CYP17A1: variants seen among roughly 807,000 people sequenced by gnomAD.
CYP17A1 encodes cytochrome P450 family 17 subfamily A member 1.
CYP17A1 carries 27 observed loss-of-function variants against 38.5 expected under a neutral mutation model. The ratio of observed to expected loss-of-function variants is 0.70; its 90% CI spans 0.52 to 0.97. CYP17A1 has a LOEUF of 0.97. Among genes scored for constraint, CYP17A1 ranks in the 50% least tolerant of loss-of-function variants. CYP17A1 has a pLI of 0.00. For missense variants in CYP17A1, 549 were observed against 645.9 expected, an observed-to-expected ratio of 0.85 and a Z score of 1.63; for synonymous variants, 263 against 253.3, an observed-to-expected ratio of 1.04 and a Z score of -0.36.
At chr10:102,833,432 C>A in intron 4 of CYP17A1, 4 of 662,804 alleles carry the variant, frequency 6.0e-6, no homozygotes, top group Non-Finnish European at 9.5e-6. Flanking sequence ...CAGTTCCTCA[C>A]TTTTCGATCC....
chr10:102,831,077 C>T (rs1274622762), intron 7 of CYP17A1, 92 bp from the exon 8 acceptor site: 4 of 834,878 alleles, frequency 4.8e-6, no homozygotes, highest in Admixed American at 4.1e-5. Context: ...ATGGCCCTGC[C>T]CAGGGAACCC....
Position 102,835,000 on chromosome 10 carries a change from T to C in CYP17A1, c.451A>G (p.Ser151Gly). 6.3e-7 allele frequency: 1 copy of C among 1,593,508 alleles called. No homozygotes were observed. The highest frequency in any genetic ancestry group is 8.6e-7 in the Non-Finnish European group (1 of 1,165,452). ...KLEKIICQEI[S>G]TLCDMLATHN... The stretch of plus-strand genomic sequence containing the variant: ...GTGGCCAGCATATCACACAATGTAC[T>C]GATTTCCTGACAAACTGAAGGGAGA... Residue 151 changes from serine (S) to glycine (G), a missense_variant, in exon 3 of 8, where the codon AGT becomes GGT. Around this residue, in one of 3 missense-constraint regions of CYP17A1, gnomAD observed 289 missense variants for 320.9 expected, o/e 0.90. Coordinates refer to ENST00000369887, the MANE Select transcript of CYP17A1 (RefSeq NM_000102.4).
chr10:102,830,681 AGG>A lies in CYP17A1; in HGVS notation c.*19_*20del, dbSNP rs1262898213. 6.9e-7 allele frequency: 1 copy of A among 1,451,520 alleles called. No homozygotes were observed. Among genetic ancestry groups the A allele is most frequent in the Non-Finnish European group, 9.6e-7 (1 of 1,038,600 alleles). The allele number at this position is 1,451,520 out of a possible 1,614,324, so 89.9% of individuals were successfully genotyped here. On this transcript the variant is annotated 3_prime_UTR_variant, in exon 8 of 8. Transcript: ENST00000369887. This position sits in a 1 kb window ranked among gnomAD's most constrained non-coding sequence, Gnocchi z 4.1. ...TGTTGTGGGGCCACATAGGGTGGAC[AGG>A]GGCTGTGAGTTACAGCCTTTAGGTG...
chr10:102,835,653 T>C (rs1402045441), intron 1 of CYP17A1: 6 of 518,042 alleles, frequency 1.2e-5, no homozygotes, highest in Non-Finnish European at 2.1e-5. Flanking sequence ...TGCAGCAGCA[T>C]TGGGGTTCTT....
intron 6 of CYP17A1, 55 bp downstream of exon 6, chr10:102,832,456 G>T (rs1844103011): frequency 8.4e-7 from 1 of 1,191,644 alleles, no homozygotes; most frequent in Non-Finnish European, 1.3e-6. Flanking sequence ...AGGTGGGCTG[G>T]CAAGCAGTGT....
chr10:102,832,462 A>G, intron 6 of CYP17A1, 49 bp downstream of exon 6: 2 of 1,253,008 alleles, frequency 1.6e-6, no homozygotes, highest in Non-Finnish European at 2.3e-6. Context: ...GCTGGCAAGC[A>G]GTGTTGAATG....
chr10:102,833,458 GTT>G lies in CYP17A1; in HGVS notation c.754-252_754-251del, dbSNP rs1177497362. On this transcript the variant is annotated intron_variant, in intron 4 of 7. Coordinates refer to ENST00000369887, the MANE Select transcript of CYP17A1 (RefSeq NM_000102.4). ...TTTTCGATCCCAACTCCTTGAGTCA[GTT>G]TTTTTTTTTTTTTTGAGACAGAATC... 3.5e-3 allele frequency: 1,290 copies of G among 371,682 alleles called. 1 individual carries two copies. Among genetic ancestry groups the G allele is most frequent in the Middle Eastern group, 8.2e-3 (9 of 1,094 alleles). The allele number at this position is 371,682 out of a possible 1,614,324, so 23.0% of individuals were successfully genotyped here.
Position 102,831,110 on chromosome 10 carries a change from T to C in CYP17A1, c.1244-125A>G, listed in dbSNP as rs561699026. On this transcript the variant is annotated intron_variant, in intron 7 of 7. Coordinates refer to ENST00000369887, the MANE Select transcript of CYP17A1 (RefSeq NM_000102.4). ...CCCTGATCTGAGGATGTAGCCTTAT[T>C]ATGGGGGAACCCCCGCCTGGGGAGA... 5.7e-5 allele frequency: 25 copies of C among 435,778 alleles called. No individual in the cohort carries two copies. The Admixed American group carries it at 7.3e-4, about 13-fold the overall frequency. 27.0% of individuals were successfully genotyped at this position (435,778 alleles called of 1,614,324 possible).
chr10:102,830,575 A>T lies in CYP17A1; in HGVS notation c.*127T>A. ...GTTTATGCACATCACTGGCATTGCC[A>T]CAAGCTGAAAAAGAAGGCAGAGTGG... is the stretch of plus-strand genomic sequence containing the variant. On this transcript the variant is annotated 3_prime_UTR_variant, in exon 8 of 8. Transcript: ENST00000369887. This position sits in a 1 kb window ranked among gnomAD's most constrained non-coding sequence, Gnocchi z 4.1. The T allele has an allele frequency of 1.5e-6, 1 of 660,928 alleles. No homozygotes were observed. The highest frequency in any genetic ancestry group is 2.7e-6 in the Non-Finnish European group (1 of 367,154). The allele number at this position is 660,928 out of a possible 1,614,324, so 40.9% of individuals were successfully genotyped here.
At chr10:102,831,304 C>T (rs1361339407) in intron 7 of CYP17A1, among the ~76,000 whole-genome samples, 3 of 152,132 alleles carry the variant, frequency 2.0e-5, no homozygotes, top group African/African-American at 4.8e-5. Context: ...GGTGAATTTG[C>T]AGTTGGTTGG....
intron 4 of CYP17A1, chr10:102,833,454 G>T: frequency 2.5e-5 from 13 of 516,144 alleles, no homozygotes; most frequent in Middle Eastern, 6.3e-4. Flanking sequence ...AACTCCTTGA[G>T]TCAGTTTTTT....
chr10:102,837,249 C>A lies in CYP17A1; in HGVS notation c.113G>T (p.Gly38Val). 1 of 1,606,026 alleles carries A rather than the reference C, an allele frequency of 6.2e-7. No individual in the cohort carries two copies. ...GTGTCTGGGGAGGAATGGCAGGCTG[C>A]CCACCAGGGGCAGGGACAGGAGGCT... ...PKSLLSLPLV[G>V]SLPFLPRHGH... The change falls in exon 1 of 8, where the codon GGC becomes GTC. Residue 38 changes from glycine (G) to valine (V), a missense_variant. Physicochemically the swap from Gly to Val is moderately radical, Grantham distance 109 (BLOSUM62 -3). This residue lies in a region of CYP17A1 where 289 missense variants were observed against 320.9 expected (regional missense o/e 0.90). Coordinates refer to ENST00000369887, the MANE Select transcript of CYP17A1 (RefSeq NM_000102.4).
Position 102,835,663 on chromosome 10 carries a change from T to G in CYP17A1, c.298-271A>C, listed in dbSNP as rs3781287. 203,712 of 487,324 alleles carry G rather than the reference T, an allele frequency of 0.42. 43,205 individuals are homozygous for G. The highest frequency in any genetic ancestry group is 0.52 in the East Asian group (13,391 of 25,564). The allele number at this position is 487,324 out of a possible 1,614,324, so 30.2% of individuals were successfully genotyped here. Reference sequence around the variant, plus strand: ...TAGAATGCAGCAGCATTGGGGTTCTTTTCGCTGACAGGGTGCCCTCTGGGC... The same window carrying G: ...TAGAATGCAGCAGCATTGGGGTTCTGTTCGCTGACAGGGTGCCCTCTGGGC... On this transcript the variant is annotated intron_variant, in intron 1 of 7. Coordinates refer to ENST00000369887, the MANE Select transcript of CYP17A1 (RefSeq NM_000102.4).
rs150171711 is a variant in CYP17A1, at chr10:102,830,836, G to A, written c.1393C>T (p.Leu465=). Residue 465 remains leucine (L), a synonymous_variant, in exon 8 of 8, where the codon CTG becomes TTG. Transcript: ENST00000369887. This position sits in a 1 kb window ranked among gnomAD's most constrained non-coding sequence, Gnocchi z 4.1. ...IMAWLLQRFD[L]EVPDDGQLPS... Reference sequence around the variant, plus strand: ...AGCTGCCCATCATCTGGCACCTCCAGGTCGAACCTCTGCAGCAGCCAGGCC... The same window carrying A: ...AGCTGCCCATCATCTGGCACCTCCAAGTCGAACCTCTGCAGCAGCCAGGCC... 3.8e-5 allele frequency: 61 copies of A among 1,597,958 alleles called. No individual in the cohort carries two copies. The African/African-American group carries it at 5.9e-4, about 15-fold the overall frequency.
chr10:102,836,991 C>T, intron 1 of CYP17A1, 74 bp downstream of exon 1: 1 of 876,210 alleles, frequency 1.1e-6, no homozygotes, highest in Non-Finnish European at 2.0e-6. Context: ...AAGCCCCATT[C>T]TAGGCATGGT....
intron 6 of CYP17A1, among the ~76,000 whole-genome samples, chr10:102,832,278 T>C (rs1420512354): frequency 6.6e-6 from 1 of 152,108 alleles, no homozygotes; most frequent in East Asian, 1.9e-4. Context: ...TTCACCATAT[T>C]GGTCAGGCTG....
rs1226517775 is a variant in CYP17A1 at position 102,834,809 on chromosome 10, C to T, written c.642G>A (p.Leu214=). Residue 214 remains leucine, a synonymous_variant, in exon 3 of 8, where the codon CTG becomes CTA. Coordinates refer to ENST00000369887, the MANE Select transcript of CYP17A1 (RefSeq NM_000102.4). ...GIIDNLSKDS[L]VDLVPWLKIF... ...CCTTCAACCAGGGGACTAGGTCCACCAGGCTGTCTTTGCTCAGGTTGTCTA... is the reference window on the plus strand; with the variant it reads ...CCTTCAACCAGGGGACTAGGTCCACTAGGCTGTCTTTGCTCAGGTTGTCTA... 6.2e-7 allele frequency: 1 copy of T among 1,614,164 alleles called. No individual in the cohort carries two copies. The highest frequency in any genetic ancestry group is 1.3e-5 in the African/African-American group (1 of 75,030).
chr10:102,837,312 C>T lies in CYP17A1; in HGVS notation c.50G>A (p.Trp17Ter). 1 of 1,612,234 alleles carries T rather than the reference C, an allele frequency of 6.2e-7. No individual in the cohort carries two copies. The highest frequency in any genetic ancestry group is 8.5e-7 in the Non-Finnish European group (1 of 1,178,290). Residue 17 changes from tryptophan to a stop codon, truncating the protein, a stop_gained, in exon 1 of 8, where the codon TGG becomes TAG. Coordinates refer to ENST00000369887, the MANE Select transcript of CYP17A1 (RefSeq NM_000102.4). LOFTEE classifies it high-confidence loss of function. ...GGCACCAGGGCACCTTCTCTTGGGC[C>T]AAAACAAATAAGCTAGGGTAAGCAG... The part of the protein sequence containing the change: ...LLLLTLAYLF[W>*]PKRRCPGAKY...
In CYP17A1 at chr10:102,830,536, G is replaced by GA. The variant is rs45455494; in HGVS notation, c.*165dup. On this transcript the variant is annotated 3_prime_UTR_variant, in exon 8 of 8. Transcript: ENST00000369887. The surrounding 1 kb of genome is among the most constrained non-coding windows in gnomAD (Gnocchi z 4.1). ...AAATGAACTACTCAGGGACCTTATG[G>GA]AAAAAAAAAAACTGTTTATGCACAT... is the stretch of plus-strand genomic sequence containing the variant. The GA allele has an allele frequency of 0.13, 45,830 of 357,468 alleles. 2 individuals carry two copies. The highest frequency in any genetic ancestry group is 0.18 in the South Asian group (4,363 of 24,284). 22.1% of individuals were successfully genotyped at this position (357,468 alleles called of 1,614,324 possible). A position where few individuals can be genotyped will look rare whatever the true frequency, so the allele number is the denominator to read the frequency against.
Sources: allele counts gnomAD v4.1 joint callset (sites outside exome capture counted in the v4.1 genomes callset), GRCh38; gene constraint gnomAD v4.1.1; regional missense constraint gnomAD v4.1.1; non-coding constraint Gnocchi (gnomAD v3.1); transcripts MANE v1.5; gene names NCBI Gene and HGNC (gene_info 2026-07-23, HGNC 2026-07-21).